Variants in SVEP1 observed in about 807,000 individuals in gnomAD.
SVEP1 encodes the protein sushi, von Willebrand factor type A, EGF and pentraxin domain-containing protein 1.
In SVEP1, 164 loss-of-function variants were observed where a neutral mutation model predicts 367.3. The ratio of observed to expected loss-of-function variants is 0.45; its 90% CI spans 0.39 to 0.51. SVEP1 has a LOEUF of 0.51. SVEP1 is among the 20% of genes least tolerant of loss of function. SVEP1 has a pLI of 0.00. For synonymous variants in SVEP1, 1,666 were observed against 1,611.6 expected, an observed-to-expected ratio of 1.03 and a Z score of -0.81; for missense variants, 4,117 against 4,425.3, an observed-to-expected ratio of 0.93 and a Z score of 1.98.
chr9:110,434,225 G>A, intron 30 of SVEP1, 111 bp downstream of exon 30: 1 of 1,170,086 alleles, frequency 8.5e-7, no homozygotes, highest in East Asian at 2.6e-5. Flanking sequence ...ATGAATATTT[G>A]GTATATTTGC....
At chr9:110,387,571 CAT>C (rs1435267384) in intron 41 of SVEP1, 113 bp from the exon 42 acceptor site, 15 of 1,185,390 alleles carry the variant, frequency 1.3e-5, no homozygotes, top group East Asian at 2.6e-5. Flanking sequence ...ATGGCCTACT[CAT>C]GTGTGAAGCA....
intron 43 of SVEP1, among the ~76,000 whole-genome samples, chr9:110,384,191 G>T (rs893938006): frequency 1.3e-5 from 2 of 152,160 alleles, no homozygotes; most frequent in African/African-American, 4.8e-5. Context: ...CTCCTGATCT[G>T]CAGGTTGCAC....
In SVEP1 at chr9:110,566,456, G is replaced by C. The variant is rs2118877145; in HGVS notation, c.531+12557C>G. 3.3e-5 allele frequency among the ~76,000 whole-genome samples: 5 copies of C among 152,250 alleles called. No homozygotes were observed. In the South Asian group the frequency reaches 1.0e-3, roughly 32 times the overall value. On this transcript the variant is annotated intron_variant, in intron 1 of 47. Transcript: ENST00000374469. ...TGCTTACAGTGGTGCCTGACAAGTA[G>C]TAATCATTCATTATCATATACCATG...
intron 1 of SVEP1, among the ~76,000 whole-genome samples, chr9:110,569,826 T>C (rs1224665030): frequency 6.6e-6 from 1 of 152,242 alleles, no homozygotes; most frequent in Non-Finnish European, 1.5e-5. Context: ...ATGAAATAAC[T>C]ATATGCTCTG....
At position 110,430,519 on chromosome 9, in the gene SVEP1, AG is replaced by A. The variant is rs1185364689; in HGVS notation, c.5354-70del. 1.1e-5 allele frequency: 16 copies of A among 1,466,788 alleles called. No individual in the cohort carries two copies. In the Admixed American group the frequency reaches 3.1e-4, roughly 28 times the overall value. 90.9% of individuals were successfully genotyped at this position (1,466,788 alleles called of 1,614,324 possible). A position where few individuals can be genotyped will look rare whatever the true frequency, so the allele number is the denominator to read the frequency against. On this transcript the variant is annotated intron_variant, in intron 32 of 47. Coordinates refer to ENST00000374469, the MANE Select transcript of SVEP1 (RefSeq NM_153366.4). ...CAACCATGCAAAGTCTCACAGCAAA[AG>A]AATTCCACTATAGTTAAGAAACCTG...
At chr9:110,567,225 C>A (rs565257433) in intron 1 of SVEP1, among the ~76,000 whole-genome samples, 1 of 152,040 alleles carries the variant, frequency 6.6e-6, no homozygotes, top group African/African-American at 2.4e-5. Flanking sequence ...TGATCTTTGT[C>A]GTAAGCAAGC....
chr9:110,460,439 T>C (rs1564149166), intron 18 of SVEP1, among the ~76,000 whole-genome samples: 1 of 152,220 alleles, frequency 6.6e-6, no homozygotes, highest in Non-Finnish European at 1.5e-5. Flanking sequence ...CCTTACTGAT[T>C]GCCTACATGA....
intron 27 of SVEP1, among the ~76,000 whole-genome samples, chr9:110,438,905 G>C (rs1288551791): frequency 6.6e-6 from 1 of 152,138 alleles, no homozygotes; most frequent in Non-Finnish European, 1.5e-5. Context: ...TATATCTTTA[G>C]CTGTATTTTC....
chr9:110,431,435 G>A (rs1229458641), intron 32 of SVEP1, among the ~76,000 whole-genome samples: 1 of 152,198 alleles, frequency 6.6e-6, no homozygotes, highest in Non-Finnish European at 1.5e-5. Context: ...CGGGTTGAGA[G>A]ATGATCTGGT....
intron 27 of SVEP1, among the ~76,000 whole-genome samples, chr9:110,441,786 T>C (rs976990777): frequency 1.3e-5 from 2 of 152,176 alleles, no homozygotes; most frequent in Non-Finnish European, 2.9e-5. Context: ...CTCTTTGTTG[T>C]TTAGGAATTT....
At chr9:110,454,545 A>G (rs1316110921) in intron 22 of SVEP1, among the ~76,000 whole-genome samples, 2 of 152,238 alleles carry the variant, frequency 1.3e-5, no homozygotes, top group Non-Finnish European at 2.9e-5. Context: ...TAGCAAAGAC[A>G]TGGAATACAC....
At chr9:110,512,416 C>T (rs989856514) in intron 5 of SVEP1, among the ~76,000 whole-genome samples, 1 of 151,782 alleles carries the variant, frequency 6.6e-6, no homozygotes, top group Non-Finnish European at 1.5e-5. Flanking sequence ...CCTCAGATTC[C>T]ATTGGTGGTG....
intron 40 of SVEP1, among the ~76,000 whole-genome samples, chr9:110,392,174 T>A (rs1439932133): frequency 1.4e-5 from 2 of 145,658 alleles, no homozygotes; most frequent in African/African-American, 5.3e-5. Context: ...CTCTCTCCTA[T>A]TGGTTCTCTT....
At chr9:110,572,320 T>C (rs753659398) in intron 1 of SVEP1, among the ~76,000 whole-genome samples, 1 of 152,228 alleles carries the variant, frequency 6.6e-6, no homozygotes, top group African/African-American at 2.4e-5. Flanking sequence ...CAGTTGGCTC[T>C]CTCCATGTGT....
At chr9:110,390,068 TA>T (rs551372309) in intron 40 of SVEP1, among the ~76,000 whole-genome samples, 141 of 124,214 alleles carry the variant, frequency 1.1e-3, no homozygotes, top group African/African-American at 3.8e-3. Flanking sequence ...TATATAAGTA[TA>T]TATATATACG....
At position 110,579,303 on chromosome 9, in the gene SVEP1, G is replaced by C; in HGVS notation, c.241C>G (p.Arg81Gly). The change falls in exon 1 of 48, where the codon CGC becomes GGC. Residue 81 changes from arginine (R) to glycine (G), a missense_variant. By Grantham distance (125) the Arg-to-Gly change is moderately radical. Transcript: ENST00000374469. The surrounding 1 kb of genome is among the most constrained non-coding windows in gnomAD (Gnocchi z 5.3). ...RVRLLRELSE[R>G]LELVFLVDDS... is the part of the protein sequence containing the mutation. ...TCCACCAGGAAGACAAGCTCCAGGC[G>C]CTCGCTGAGCTCCCGCAGCAGCCGC... is the stretch of plus-strand genomic sequence containing the variant. 3 of 1,565,962 alleles carry C rather than the reference G, an allele frequency of 1.9e-6. No homozygotes were observed. Among genetic ancestry groups the C allele is most frequent in the Non-Finnish European group, 2.6e-6 (3 of 1,157,292 alleles).
chr9:110,514,154 T>C (rs1453304847), intron 3 of SVEP1, 48 bp from the exon 4 acceptor site: 3 of 1,580,932 alleles, frequency 1.9e-6, no homozygotes, highest in Non-Finnish European at 2.6e-6. Flanking sequence ...GCACATCAGC[T>C]GGTAGTTAAC....
At chr9:110,504,898 G>A (rs760113852) in intron 5 of SVEP1, among the ~76,000 whole-genome samples, 2 of 152,112 alleles carry the variant, frequency 1.3e-5, no homozygotes, top group African/African-American at 2.4e-5. Flanking sequence ...AAACGTGCTC[G>A]GGGTAGAGCA....
At chr9:110,565,455 T>C (rs1249963555) in intron 1 of SVEP1, among the ~76,000 whole-genome samples, 2 of 152,148 alleles carry the variant, frequency 1.3e-5, no homozygotes, top group Non-Finnish European at 2.9e-5. Context: ...GCTAGATAAA[T>C]ACAAAGGAAA....
Sources: gnomAD v4.1 joint callset for allele counts (sites outside exome capture counted in the v4.1 genomes callset) on GRCh38, gnomAD v4.1.1 for gene constraint, Gnocchi (gnomAD v3.1) non-coding constraint, MANE v1.5 for transcripts, NCBI Gene and HGNC (gene_info 2026-07-23, HGNC 2026-07-21) for gene names.